The following NEB variants were observed in gnomAD, a reference collection of about 807,000 sequenced individuals.
NEB encodes nemaline myopathy type 2.
Under a neutral mutation model 952.2 loss-of-function variants are expected in NEB, and 512 were observed. The observed-to-expected ratio is 0.54, with a 90% confidence interval of 0.50 to 0.58. NEB has a LOEUF of 0.58. Among genes scored for constraint, NEB ranks in the 20% least tolerant of loss-of-function variants. The pLI is 0.00. For missense variants in NEB, 8,428 were observed against 9,231.1 expected (o/e 0.91, Z 3.56); for synonymous variants, 2,900 against 3,149.8 (o/e 0.92, Z 2.66).
chr2:151,497,611 T>A lies in NEB; in HGVS notation c.24300+15A>T, dbSNP rs986148550. The A allele has an allele frequency of 6.4e-7, 1 of 1,557,328 alleles. No homozygotes were observed. ...TCATTAAATAAGTAGTTTTTTTCTT[T>A]TCTTGCCAAAGTACCGAGCTAATAT... is the stretch of plus-strand genomic sequence containing the variant. On this transcript the variant is annotated intron_variant, in intron 171 of 181. Coordinates refer to ENST00000397345, the MANE Select transcript of NEB (RefSeq NM_001164508.2).
chr2:151,708,386 G>A (rs1051359353), intron 12 of NEB, among the ~76,000 whole-genome samples: 1 of 152,050 alleles, frequency 6.6e-6, no homozygotes, highest in African/African-American at 2.4e-5. Context: ...TCTTGTTCAG[G>A]TCACCAGAGA....
In NEB at chr2:151,644,456, A is replaced by C. The variant is rs2098928865; in HGVS notation, c.7644+12T>G. The C allele has an allele frequency of 6.3e-7, 1 of 1,596,734 alleles. No homozygotes were observed. The highest frequency in any genetic ancestry group is 1.3e-5 in the African/African-American group (1 of 74,526). Reference sequence around the variant, plus strand: ...GCAATCAAATCAATATCAACAGAGGATAAAATCTTACTTCACTGGCAATTT... The same window carrying C: ...GCAATCAAATCAATATCAACAGAGGCTAAAATCTTACTTCACTGGCAATTT... On this transcript the variant is annotated intron_variant, in intron 56 of 181. Transcript: ENST00000397345.
chr2:151,649,894 T>C (rs1393619602), intron 54 of NEB, among the ~76,000 whole-genome samples: 2 of 152,222 alleles, frequency 1.3e-5, no homozygotes, highest in African/African-American at 4.8e-5. Context: ...GGGTGTTTCA[T>C]GCAGTCAAGT....
In NEB at chr2:151,519,681, C is replaced by G. The variant is rs2153395893; in HGVS notation, c.22567G>C (p.Asp7523His). The change falls in exon 154 of 182, where the codon GAT (aspartate) becomes CAT (histidine). Residue 7523 changes from aspartate to histidine, a missense_variant. By Grantham distance (81) the Asp-to-His change is moderately conservative. This residue lies in a region of NEB where 3,374 missense variants were observed against 3,651.5 expected (regional missense o/e 0.92). Transcript: ENST00000397345. Reference protein sequence around the residue: ...KDSQLYKVMKDANNLASEVKY... With the variant: ...KDSQLYKVMKHANNLASEVKY... ...ACCTCACTTGCAAGATTATTAGCAT[C>G]TTTCATGACTTTGTAGAGCTGGCTG... The G allele has an allele frequency of 6.2e-7, 1 of 1,611,464 alleles. No homozygotes were observed. Among genetic ancestry groups the G allele is most frequent in the Non-Finnish European group, 8.5e-7 (1 of 1,177,922 alleles).
rs370953833 is a variant in NEB, at chr2:151,676,546, C to G, written c.3774+1019G>C. 9.8e-5 allele frequency among the ~76,000 whole-genome samples: 15 copies of G among 152,332 alleles called. No homozygotes were observed. In the East Asian group the frequency reaches 1.7e-3, roughly 18 times the overall value. On this transcript the variant is annotated intron_variant, in intron 34 of 181. Transcript: ENST00000397345. Reference sequence around the variant, plus strand: ...TATCCAGACTCTAAAAATTAGCATACGAGTCCCTTACTAATCAGGTTACAA... The same window carrying G: ...TATCCAGACTCTAAAAATTAGCATAGGAGTCCCTTACTAATCAGGTTACAA...
intron 9 of NEB, among the ~76,000 whole-genome samples, chr2:151,722,081 A>G (rs1369876366): frequency 6.6e-6 from 1 of 152,236 alleles, no homozygotes; most frequent in East Asian, 1.9e-4. Context: ...TGGCAAGATC[A>G]GACCATAGAT....
In NEB at chr2:151,524,299, C is replaced by CA; in HGVS notation, c.22479+11dup. On this transcript the variant is annotated intron_variant, in intron 153 of 181. Coordinates refer to ENST00000397345, the MANE Select transcript of NEB (RefSeq NM_001164508.2). Reference sequence around the variant, plus strand: ...CTCACATGAGAGCCACCAGTGCACCCATCTGCATTACCTGGCTGCTCAGCT... The same window carrying CA: ...CTCACATGAGAGCCACCAGTGCACCCAATCTGCATTACCTGGCTGCTCAGCT... 1 of 1,607,826 alleles carries CA rather than the reference C, an allele frequency of 6.2e-7. No individual in the cohort carries two copies. The highest frequency in any genetic ancestry group is 8.5e-7 in the Non-Finnish European group (1 of 1,174,706).
intron 24 of NEB, 177 bp downstream of exon 24, chr2:151,690,550 T>C: frequency 1.7e-6 from 1 of 585,544 alleles, no homozygotes; most frequent in Non-Finnish European, 3.1e-6. Context: ...CTAACACAAC[T>C]TTCCTCAGGC....
chr2:151,679,923 T>C lies in NEB; in HGVS notation c.3142A>G (p.Ser1048Gly). Residue 1048 changes from serine (S) to glycine (G), a missense_variant, in exon 31 of 182, where the codon AGT becomes GGT. This residue lies in a region of NEB where 2,851 missense variants were observed against 2,791.5 expected (regional missense o/e 1.02). Transcript: ENST00000397345. ...IQAKVNAYNISENMYKADLKD... is the reference protein window; with the variant it reads ...IQAKVNAYNIGENMYKADLKD... The stretch of plus-strand genomic sequence containing the variant: ...CCGTGAGTCCACCCACGCACCTCAC[T>C]GATATTGTAGGCATTAACTTTAGCC... 1 of 1,612,492 alleles carries C rather than the reference T, an allele frequency of 6.2e-7. No individual in the cohort carries two copies. Among genetic ancestry groups the C allele is most frequent in the African/African-American group, 1.3e-5 (1 of 75,006 alleles).
At chr2:151,639,044 C>T (rs988226946) in intron 63 of NEB, among the ~76,000 whole-genome samples, 2 of 152,130 alleles carry the variant, frequency 1.3e-5, no homozygotes, top group Non-Finnish European at 2.9e-5. Flanking sequence ...AAATGGTCTA[C>T]ATAATCTCAT....
intron 8 of NEB, among the ~76,000 whole-genome samples, chr2:151,723,756 T>G (rs1345900778): frequency 1.4e-5 from 2 of 147,762 alleles, no homozygotes; most frequent in Admixed American, 6.7e-5. Flanking sequence ...CTTTGTTTTT[T>G]TTTTTTTTTT....
In NEB at chr2:151,619,485, A is replaced by G; in HGVS notation, c.10838T>C (p.Ile3613Thr). 2.5e-6 allele frequency: 4 copies of G among 1,611,726 alleles called. No individual in the cohort carries two copies. Among genetic ancestry groups the G allele is most frequent in the Non-Finnish European group, 3.4e-6 (4 of 1,178,100 alleles). Residue 3613 changes from isoleucine (I) to threonine (T), a missense_variant, in exon 73 of 182, where the codon ATT becomes ACT. Ile to Thr is a moderately conservative substitution (Grantham distance 89). Around this residue, in one of 11 missense-constraint regions of NEB, gnomAD observed 1,772 missense variants for 1,960.3 expected, o/e 0.90. Transcript: ENST00000397345. ...GAGGTCATAGGCTTTCCGTGCATGA[A>G]TGATGTCATTCTGGTCGGGCAGGCA... ...WICLPDQNDI[I>T]HARKAYDLQS...
chr2:151,581,549 A>G lies in NEB; in HGVS notation c.16218T>C (p.Asn5406=), dbSNP rs2097093416. The part of the protein sequence containing the change: ...YRDAWEKEKA[N]VNVPADTPLM... Reference sequence around the variant, plus strand: ...GGGGAGTGTCAGCTGGCACGTTCACATTAGCCTTCTCTTTCTCCCAGGCAT... The same window carrying G: ...GGGGAGTGTCAGCTGGCACGTTCACGTTAGCCTTCTCTTTCTCCCAGGCAT... The change falls in exon 103 of 182, where the codon AAT becomes AAC. Residue 5406 remains asparagine, a synonymous_variant. Transcript: ENST00000397345. 7.7e-6 allele frequency: 9 copies of G among 1,175,132 alleles called. No homozygotes were observed. The highest frequency in any genetic ancestry group is 1.1e-5 in the Non-Finnish European group (9 of 836,196). 72.8% of individuals were successfully genotyped at this position (1,175,132 alleles called of 1,614,324 possible).
rs770544915 is a variant in NEB, at chr2:151,727,688, T to C, written c.294+3A>G. Reference sequence around the variant, plus strand: ...AGGTTAGCAGAAGTTGTTTGAAACTTACTGGGCTAAAAAGATCCTGCATTT... The same window carrying C: ...AGGTTAGCAGAAGTTGTTTGAAACTCACTGGGCTAAAAAGATCCTGCATTT... On this transcript the variant is annotated splice_donor_region_variant and intron_variant, in intron 5 of 181. Coordinates refer to ENST00000397345, the MANE Select transcript of NEB (RefSeq NM_001164508.2). 1 of 1,609,606 alleles carries C rather than the reference T, an allele frequency of 6.2e-7. No individual in the cohort carries two copies. The highest frequency in any genetic ancestry group is 8.5e-7 in the Non-Finnish European group (1 of 1,176,468).
intron 24 of NEB, chr2:151,690,256 G>T: frequency 6.1e-6 from 1 of 164,698 alleles, no homozygotes; most frequent in Non-Finnish European, 1.3e-5. Flanking sequence ...TCCAGTTCTT[G>T]ATGTCATCCC....
Position 151,493,173 on chromosome 2 carries a change from A to G in NEB, c.24765+180T>C, listed in dbSNP as rs528950893. 4.7e-5 allele frequency: 26 copies of G among 556,884 alleles called. No individual in the cohort carries two copies. In the African/African-American group the frequency reaches 4.8e-4, roughly 10 times the overall value. 34.5% of individuals were successfully genotyped at this position (556,884 alleles called of 1,614,324 possible). A position where few individuals can be genotyped will look rare whatever the true frequency, so the allele number is the denominator to read the frequency against. On this transcript the variant is annotated intron_variant, in intron 176 of 181. Coordinates refer to ENST00000397345, the MANE Select transcript of NEB (RefSeq NM_001164508.2). ...ACAGTTAATGTCTATTTTAGTGTAA[A>G]TTTTCAGTTGAATAAGTGCAAATTT...
chr2:151,610,556 G>C lies in NEB; in HGVS notation c.11978C>G (p.Ser3993Cys). 6.2e-7 allele frequency: 1 copy of C among 1,613,732 alleles called. No homozygotes were observed. Among genetic ancestry groups the C allele is most frequent in the South Asian group, 1.1e-5 (1 of 91,062 alleles). The stretch of plus-strand genomic sequence containing the variant: ...CCTGGAGGCCTTGGCACTTTTGATG[G>C]AAATAGCATCTGCTCTCAGATCATA... Reference protein sequence around the residue: ...KDYDLRADAISIKSAKASRDI... With the variant: ...KDYDLRADAICIKSAKASRDI... Residue 3993 changes from serine to cysteine, a missense_variant, in exon 80 of 182, where the codon TCC becomes TGC. Ser to Cys is a moderately radical substitution (Grantham distance 112). Around this residue, in one of 11 missense-constraint regions of NEB, gnomAD observed 337 missense variants for 297.5 expected, o/e 1.13. Coordinates refer to ENST00000397345, the MANE Select transcript of NEB (RefSeq NM_001164508.2).
rs773023806 is a variant in NEB at position 151,662,278 on chromosome 2, G to A, written c.5827C>T (p.Leu1943=). 1.9e-6 allele frequency: 3 copies of A among 1,613,602 alleles called. No homozygotes were observed. The East Asian group carries it at 6.7e-5, about 36-fold the overall frequency. Residue 1943 remains leucine, a synonymous_variant, in exon 46 of 182, where the codon CTG becomes TTG. Coordinates refer to ENST00000397345, the MANE Select transcript of NEB (RefSeq NM_001164508.2). ...KGIGWLPLGS[L]EAEKNKKAME... is the part of the protein sequence containing the mutation. Reference sequence around the variant, plus strand: ...GCTTTCTTGTTTTTCTCTGCTTCCAGGGAGCCCAGAGGGAGCCATCCAATG... The same window carrying A: ...GCTTTCTTGTTTTTCTCTGCTTCCAAGGAGCCCAGAGGGAGCCATCCAATG...
At chr2:151,663,988 C>G in intron 44 of NEB, 129 bp from the exon 45 acceptor site, 2 of 879,306 alleles carry the variant, frequency 2.3e-6, no homozygotes, top group Non-Finnish European at 3.4e-6. Flanking sequence ...GGGAGGCACT[C>G]GTGAGAGGGA....
Sources: gnomAD v4.1 joint callset for allele counts (sites outside exome capture counted in the v4.1 genomes callset) on GRCh38, gnomAD v4.1.1 for gene constraint, gnomAD v4.1.1 regional missense constraint, MANE v1.5 for transcripts, NCBI Gene and HGNC (gene_info 2026-07-23, HGNC 2026-07-21) for gene names.